RDH12: variants seen among roughly 807,000 people sequenced by gnomAD.
RDH12 encodes all-trans and 9-cis retinol dehydrogenase.
A neutral mutation model predicts 34.0 loss-of-function variants in RDH12; 21 were observed. The observed-to-expected ratio is 0.62, with a 90% CI of 0.44 to 0.89. The LOEUF is 0.89. Ranked by LOEUF, RDH12 falls within the 40% of genes least tolerant of loss-of-function variation. The probability of loss-of-function intolerance (pLI) is 0.00; values close to 1 mark genes in which losing one functional copy is unlikely to be tolerated. For synonymous variants in RDH12, 198 were observed against 169.9 expected, an observed-to-expected ratio of 1.17 and a Z score of -1.29; for missense variants, 394 against 398.6, an observed-to-expected ratio of 0.99 and a Z score of 0.10.
intron 1 of RDH12, among the ~76,000 whole-genome samples, chr14:67,715,929 C>A (rs1191918988): frequency 1.3e-5 from 2 of 152,226 alleles, no homozygotes; most frequent in African/African-American, 4.8e-5. Context: ...GGGGCAGTGG[C>A]TTACGCCTGT....
chr14:67,713,394 C>A (rs2038031931), intron 1 of RDH12, among the ~76,000 whole-genome samples: 1 of 9,264 alleles, frequency 1.1e-4, no homozygotes, highest in African/African-American at 3.4e-4. Flanking sequence ...GCAAGTAAAA[C>A]TCCAAAAAAA....
At chr14:67,716,700 A>G (rs1420733004) in intron 1 of RDH12, among the ~76,000 whole-genome samples, 1 of 152,160 alleles carries the variant, frequency 6.6e-6, no homozygotes, top group African/African-American at 2.4e-5. Context: ...CCTGGTTAAC[A>G]TGGTGAAACC....
At chr14:67,711,065 G>T (rs2038004020) in intron 1 of RDH12, among the ~76,000 whole-genome samples, 1 of 152,158 alleles carries the variant, frequency 6.6e-6, no homozygotes, top group Non-Finnish European at 1.5e-5. Flanking sequence ...AACAAATTTT[G>T]AGAGGAACTT....
intron 8 of RDH12, among the ~76,000 whole-genome samples, chr14:67,732,071 A>G (rs1367581531): frequency 4.0e-5 from 6 of 150,616 alleles, no homozygotes; most frequent in African/African-American, 1.5e-4. Flanking sequence ...AGGCTGCAGT[A>G]AGCCGAGATC....
intron 3 of RDH12, 71 bp from the exon 4 acceptor site, chr14:67,724,402 T>C: frequency 9.5e-7 from 1 of 1,056,032 alleles, no homozygotes; most frequent in Non-Finnish European, 1.4e-6. Context: ...GTTTTTTTTT[T>C]TTTTTTTAAC....
chr14:67,712,889 G>A (rs2038025348), intron 1 of RDH12, among the ~76,000 whole-genome samples: 1 of 151,906 alleles, frequency 6.6e-6, no homozygotes, highest in Non-Finnish European at 1.5e-5. Flanking sequence ...ATAAAAAAAT[G>A]TTCCCTTCTC....
At chr14:67,702,915 G>A (rs1489204099) in intron 1 of RDH12, among the ~76,000 whole-genome samples, 4 of 152,214 alleles carry the variant, frequency 2.6e-5, no homozygotes, top group African/African-American at 4.8e-5. Flanking sequence ...CCAGGCTCAA[G>A]TGATTCTCCC....
chr14:67,733,916 C>A lies in RDH12; in HGVS notation c.*68C>A. The A allele has an allele frequency of 1.7e-6, 2 of 1,188,262 alleles. No homozygotes were observed. Among genetic ancestry groups the A allele is most frequent in the Non-Finnish European group, 2.5e-6 (2 of 801,920 alleles). 73.6% of individuals were successfully genotyped at this position (1,188,262 alleles called of 1,614,324 possible). On this transcript the variant is annotated 3_prime_UTR_variant, in exon 9 of 9. Transcript: ENST00000551171. ...TAATGAACAGGGACCAAGGAGAAGGCCAACCCTAAAGGATTGTCCTCTTGG... is the reference window on the plus strand; with the variant it reads ...TAATGAACAGGGACCAAGGAGAAGGACAACCCTAAAGGATTGTCCTCTTGG...
At chr14:67,713,767 T>TATCA in intron 1 of RDH12, among the ~76,000 whole-genome samples, 1 of 152,078 alleles carries the variant, frequency 6.6e-6, no homozygotes, top group African/African-American at 2.4e-5. Context: ...ACAGTTTGGT[T>TATCA]TTATACATTC....
At chr14:67,719,686 C>G (rs894267311) in intron 1 of RDH12, among the ~76,000 whole-genome samples, 1 of 152,104 alleles carries the variant, frequency 6.6e-6, no homozygotes, top group Non-Finnish European at 1.5e-5. Context: ...CTATGTTGCC[C>G]AGGTTGGTCT....
intron 1 of RDH12, chr14:67,717,676 T>C (rs960747637): frequency 1.3e-5 from 2 of 152,396 alleles, no homozygotes; most frequent in South Asian, 2.1e-4. Context: ...GGGATAGTAG[T>C]GCTCCAGGCA....
intron 6 of RDH12, among the ~76,000 whole-genome samples, chr14:67,726,413 TGGCAGTACAA>T (rs1193921756): frequency 6.6e-6 from 1 of 152,184 alleles, no homozygotes; most frequent in Non-Finnish European, 1.5e-5. Context: ...GATGGGGCAG[TGGCAGTACAA>T]GGCTTGCCAG....
intron 1 of RDH12, among the ~76,000 whole-genome samples, chr14:67,712,060 C>T (rs2038014499): frequency 6.6e-6 from 1 of 152,144 alleles, no homozygotes; most frequent in African/African-American, 2.4e-5. Context: ...GTTGGGATTA[C>T]AGACATGTGC....
At chr14:67,717,414 G>C (rs1374396257) in intron 1 of RDH12, among the ~76,000 whole-genome samples, 1 of 152,198 alleles carries the variant, frequency 6.6e-6, no homozygotes, top group Non-Finnish European at 1.5e-5. Context: ...TTAGTAGATG[G>C]CCAGCATCCT....
chr14:67,718,689 T>C (rs1277843277), intron 1 of RDH12, among the ~76,000 whole-genome samples: 1 of 152,204 alleles, frequency 6.6e-6, no homozygotes, highest in Non-Finnish European at 1.5e-5. Context: ...TCTCTTTCTC[T>C]CTGTGACTTA....
intron 1 of RDH12, among the ~76,000 whole-genome samples, chr14:67,716,633 C>T (rs935443129): frequency 3.3e-5 from 5 of 152,148 alleles, no homozygotes; most frequent in Non-Finnish European, 5.9e-5. Flanking sequence ...CTTGTAATCT[C>T]AGCACTTTGG....
chr14:67,717,360 C>A (rs1263008480), intron 1 of RDH12, among the ~76,000 whole-genome samples: 2 of 152,082 alleles, frequency 1.3e-5, no homozygotes, highest in Non-Finnish European at 2.9e-5. Flanking sequence ...TAGAGGTAAA[C>A]AGAATTAAGC....
At chr14:67,720,576 T>G (rs2038113558) in intron 1 of RDH12, among the ~76,000 whole-genome samples, 1 of 152,268 alleles carries the variant, frequency 6.6e-6, no homozygotes, top group Non-Finnish European at 1.5e-5. Context: ...TTAAATCATC[T>G]GTCCCTTCCA....
At chr14:67,706,081 A>G (rs1288783813) in intron 1 of RDH12, 1 of 152,140 alleles carries the variant, frequency 6.6e-6, no homozygotes, top group African/African-American at 2.4e-5. Context: ...TAAGTTCAGC[A>G]TCAATATAGT....
Sources: allele counts gnomAD v4.1 joint callset (sites outside exome capture counted in the v4.1 genomes callset), GRCh38; gene constraint gnomAD v4.1.1; transcripts MANE v1.5; gene names NCBI Gene and HGNC (gene_info 2026-07-23, HGNC 2026-07-21).